Variants in SATL1 observed in about 807,000 individuals in gnomAD.
SATL1 encodes the protein spermidine/spermine N1-acetyl transferase like 1.
Under a neutral mutation model 51.8 loss-of-function variants are expected in SATL1, and 47 were observed. The ratio of observed to expected loss-of-function variants is 0.91; its 90% CI spans 0.72 to 1.16. The LOEUF is 1.16. Among genes scored for constraint, SATL1 ranks in the 50% most tolerant of loss-of-function variants. The pLI is 0.00. For missense variants in SATL1, 520 were observed against 526.4 expected, an observed-to-expected ratio of 0.99 and a Z score of 0.12; for synonymous variants, 176 against 182.4, an observed-to-expected ratio of 0.97 and a Z score of 0.28.
chrX:85,152,027 G>A (rs867952945), intron 2 of SATL1, among the ~76,000 whole-genome samples: 8 of 109,307 alleles, frequency 7.3e-5, no homozygotes, highest in African/African-American at 2.3e-4. Flanking sequence ...GAGTGAACAG[G>A]CAACCTACAA....
In SATL1 at chrX:85,210,201, T is replaced by C. The variant is rs1213155791; in HGVS notation, c.-313+14004A>G. On this transcript the variant is annotated intron_variant, in intron 2 of 7. Transcript: ENST00000644105. ...CACATATGAGTGGAGTGCCACACTC[T>C]TATAGCCACTACCATCGCCACTCTT... 13 of 108,098 alleles carry C rather than the reference T, an allele frequency of 1.2e-4. No homozygotes were observed. In the Admixed American group the frequency reaches 1.3e-3, roughly 11 times the overall value. 8.9% of individuals were successfully genotyped at this position (108,098 alleles called of 1,213,427 possible). A position where few individuals can be genotyped will look rare whatever the true frequency, so the allele number is the denominator to read the frequency against.
intron 2 of SATL1, among the ~76,000 whole-genome samples, chrX:85,214,707 G>A (rs1928004453): frequency 8.9e-6 from 1 of 111,828 alleles, no homozygotes; most frequent in Non-Finnish European, 1.9e-5. Context: ...AGGCACAATG[G>A]TGGTACAGGC....
At chrX:85,238,579 T>TG (rs1928525138) in intron 1 of SATL1, among the ~76,000 whole-genome samples, 1 of 111,069 alleles carries the variant, frequency 9.0e-6, no homozygotes, top group South Asian at 3.7e-4. Context: ...AGTGGGAGGT[T>TG]GGGGGAAATG....
chrX:85,177,949 G>A (rs1274415113), intron 2 of SATL1, among the ~76,000 whole-genome samples: 1 of 111,643 alleles, frequency 9.0e-6, no homozygotes, highest in Non-Finnish European at 1.9e-5. Flanking sequence ...AGACTAAGAT[G>A]AGATAGAAGA....
In SATL1 at chrX:85,147,955, T is replaced by C. The variant is rs749174133; in HGVS notation, c.-312-38675A>G. 2.7e-5 allele frequency among the ~76,000 whole-genome samples: 3 copies of C among 111,938 alleles called. No homozygotes were observed. The South Asian group carries it at 1.1e-3, about 42-fold the overall frequency. The stretch of plus-strand genomic sequence containing the variant: ...AAGGAACGCAGATCCTCACCAGCAA[T>C]GGAACAGAGTTGGACGGAGAATGAC... On this transcript the variant is annotated intron_variant, in intron 2 of 7. Coordinates refer to ENST00000644105, the MANE Select transcript of SATL1 (RefSeq NM_001367857.2).
intron 2 of SATL1, among the ~76,000 whole-genome samples, chrX:85,126,027 C>T (rs922747753): frequency 9.1e-6 from 1 of 110,465 alleles, no homozygotes. Context: ...TCATTACAGG[C>T]CCAGCAAACC....
At chrX:85,127,462 T>G (rs970081277) in intron 2 of SATL1, among the ~76,000 whole-genome samples, 18 of 111,677 alleles carry the variant, frequency 1.6e-4, no homozygotes, top group African/African-American at 2.6e-4. Flanking sequence ...CCATGTGATC[T>G]GGATGAAGGC....
chrX:85,236,456 C>T (rs1483780331), intron 1 of SATL1, among the ~76,000 whole-genome samples: 2 of 111,160 alleles, frequency 1.8e-5, no homozygotes, highest in Non-Finnish European at 3.8e-5. Context: ...TTCTAGTAAA[C>T]TGAATTCAAC....
In SATL1 at chrX:85,092,397, T is replaced by C; in HGVS notation, c.2082A>G (p.Glu694=). ...NREELLDMAW[E]E ...AGTTGTTACAAAGCCTCTTTCATTCTTCCCATGCCATGTCCAGGAGTTCTT... is the reference window on the plus strand; with the variant it reads ...AGTTGTTACAAAGCCTCTTTCATTCCTCCCATGCCATGTCCAGGAGTTCTT... Residue 694 remains glutamate (E), a synonymous_variant, in exon 8 of 8, where the codon GAA becomes GAG. Transcript: ENST00000644105. 8.6e-7 allele frequency: 1 copy of C among 1,166,016 alleles called. No individual in the cohort carries two copies. The highest frequency in any genetic ancestry group is 1.8e-5 in the African/African-American group (1 of 56,138).
At chrX:85,203,038 C>T (rs1203024273) in intron 2 of SATL1, among the ~76,000 whole-genome samples, 1 of 111,453 alleles carries the variant, frequency 9.0e-6, no homozygotes, top group African/African-American at 3.3e-5. Flanking sequence ...GGAATGGGCA[C>T]CCACGTAACA....
intron 2 of SATL1, among the ~76,000 whole-genome samples, chrX:85,128,162 A>T (rs1412623315): frequency 1.8e-5 from 2 of 111,784 alleles, no homozygotes; most frequent in Non-Finnish European, 3.8e-5. Context: ...GTATATACCC[A>T]GTAATGGGAT....
intron 2 of SATL1, among the ~76,000 whole-genome samples, chrX:85,206,902 C>G (rs375289861): frequency 1.8e-5 from 2 of 111,146 alleles, no homozygotes; most frequent in African/African-American, 6.5e-5. Context: ...TTTATACAAG[C>G]AGAGAAAGTT....
At chrX:85,180,720 G>T (rs1286814822) in intron 2 of SATL1, among the ~76,000 whole-genome samples, 1 of 110,778 alleles carries the variant, frequency 9.0e-6, no homozygotes, top group Non-Finnish European at 1.9e-5. Flanking sequence ...CAGATCCAGG[G>T]TGGAATGTGC....
intron 1 of SATL1, among the ~76,000 whole-genome samples, chrX:85,241,584 A>G (rs914934121): frequency 8.9e-6 from 1 of 112,058 alleles, no homozygotes; most frequent in South Asian, 3.7e-4. Flanking sequence ...CTTCCTTTAA[A>G]TAAGTATTGG....
chrX:85,212,179 T>C (rs768880458), intron 2 of SATL1: 3 of 111,940 alleles, frequency 2.7e-5, no homozygotes, highest in South Asian at 7.4e-4. Context: ...TTTTAGTAGA[T>C]AGTTTTATGT....
Position 85,101,214 on chromosome X carries a change from T to A in SATL1, c.1693+2650A>T, listed in dbSNP as rs776158734. On this transcript the variant is annotated intron_variant, in intron 4 of 7. Transcript: ENST00000644105. ...AAATTGGACTTTATCAAAAATAAAATCTTTTGTATGTGAAAGGGCAATATC... is the reference window on the plus strand; with the variant it reads ...AAATTGGACTTTATCAAAAATAAAAACTTTTGTATGTGAAAGGGCAATATC... Among the ~76,000 whole-genome samples the A allele has an allele frequency of 2.7e-5, 3 of 112,052 alleles. No individual in the cohort carries two copies. In the East Asian group the frequency reaches 8.4e-4, roughly 31 times the overall value.
intron 2 of SATL1, among the ~76,000 whole-genome samples, chrX:85,220,671 A>C (rs1441942435): frequency 1.6e-4 from 13 of 83,422 alleles, no homozygotes; most frequent in African/African-American, 5.3e-4. Context: ...AAAAAAAAAA[A>C]AAAAAAAAAA....
At chrX:85,130,180 T>C (rs1311818145) in intron 2 of SATL1, among the ~76,000 whole-genome samples, 1 of 112,122 alleles carries the variant, frequency 8.9e-6, no homozygotes, top group Non-Finnish European at 1.9e-5. Flanking sequence ...TAAGGAGGAT[T>C]CCCTCTTTTT....
intron 2 of SATL1, among the ~76,000 whole-genome samples, chrX:85,126,161 G>T (rs1291681613): frequency 1.8e-5 from 2 of 110,613 alleles, no homozygotes; most frequent in African/African-American, 6.6e-5. Flanking sequence ...GCTTCCAAAG[G>T]AGCCCATCTT....
Sources: allele counts gnomAD v4.1 joint callset (sites outside exome capture counted in the v4.1 genomes callset), GRCh38; gene constraint gnomAD v4.1.1; transcripts MANE v1.5; gene names NCBI Gene and HGNC (gene_info 2026-07-23, HGNC 2026-07-21).